AGAP1: variants seen among roughly 807,000 people sequenced by gnomAD.
AGAP1 encodes the protein arf-GAP with GTPase, ANK repeat and PH domain-containing protein 1.
Under a neutral mutation model 105.3 loss-of-function variants are expected in AGAP1, and 29 were observed. That is an observed-to-expected ratio of 0.28 (90% CI 0.21 to 0.38). The LOEUF is 0.38. Ranked by LOEUF, AGAP1 falls within the 10% of genes least tolerant of loss-of-function variation. The pLI is 1.00. For missense variants in AGAP1, 998 were observed against 1,165.1 expected (o/e 0.86, Z 2.09); for synonymous variants, 509 against 485.9 (o/e 1.05, Z -0.63).
At position 235,965,165 on chromosome 2, in the gene AGAP1, C is replaced by A. The variant is rs575434795; in HGVS notation, c.1484-3297C>A. 2.6e-5 allele frequency among the ~76,000 whole-genome samples: 4 copies of A among 152,124 alleles called. No individual in the cohort carries two copies. Among genetic ancestry groups the A allele is most frequent in the Non-Finnish European group, 5.9e-5 (4 of 68,026 alleles). ...AAGTGGCAGTTTCAAGGGTGAAGCC[C>A]AAGGTGATAGCAGAGAAAGCTGCCC... is the stretch of plus-strand genomic sequence containing the variant. On this transcript the variant is annotated intron_variant, in intron 12 of 17. Coordinates refer to ENST00000304032, the MANE Select transcript of AGAP1 (RefSeq NM_001037131.3). The surrounding 1 kb of genome is among the most constrained non-coding windows in gnomAD (Gnocchi z 5.8).
rs539246728 is a variant in AGAP1 at position 235,969,692 on chromosome 2, G to A, written c.1645+1069G>A. On this transcript the variant is annotated intron_variant, in intron 13 of 17. Coordinates refer to ENST00000304032, the MANE Select transcript of AGAP1 (RefSeq NM_001037131.3). ...AGCGGAGCACGCAAACCCACGGTGC[G>A]TGTGTTAGCAGGGAAGGGGCAGAGT... is the stretch of plus-strand genomic sequence containing the variant. 2.4e-4 allele frequency among the ~76,000 whole-genome samples: 37 copies of A among 152,334 alleles called. No individual in the cohort carries two copies. In the East Asian group the frequency reaches 2.7e-3, roughly 11 times the overall value.
intron 4 of AGAP1, among the ~76,000 whole-genome samples, chr2:235,743,984 T>C (rs1322897509): frequency 6.6e-6 from 1 of 152,220 alleles, no homozygotes; most frequent in Admixed American, 6.5e-5. Flanking sequence ...AGTGTGGGTA[T>C]CTGTCAAAAG....
rs1014606201 is a variant in AGAP1 at position 236,035,488 on chromosome 2, G to A, written c.1646-1073G>A. Among the ~76,000 whole-genome samples, 4 of 152,156 alleles carry A rather than the reference G, an allele frequency of 2.6e-5. No homozygotes were observed. Among genetic ancestry groups the A allele is most frequent in the Non-Finnish European group, 5.9e-5 (4 of 68,038 alleles). On this transcript the variant is annotated intron_variant, in intron 13 of 17. Transcript: ENST00000304032. The surrounding 1 kb of genome is among the most constrained non-coding windows in gnomAD (Gnocchi z 4.2). ...AAAAATGTCTAACAATTGGCCAGGT[G>A]TGATGGTACACACCTGTAGTCCGAG... is the stretch of plus-strand genomic sequence containing the variant.
At chr2:235,852,906 C>G (rs1017078319) in intron 9 of AGAP1, 2 of 1,324,096 alleles carry the variant, frequency 1.5e-6, no homozygotes. Flanking sequence ...GCTTGCAGGC[C>G]GCTGCTGTTT....
intron 1 of AGAP1, among the ~76,000 whole-genome samples, chr2:235,508,848 G>A (rs1228318453): frequency 6.6e-6 from 1 of 152,254 alleles, no homozygotes; most frequent in Non-Finnish European, 1.5e-5. Context: ...AAAAGAGGGA[G>A]AAAGGGATGC....
chr2:235,645,395 C>T (rs1457380630), intron 1 of AGAP1, among the ~76,000 whole-genome samples: 6 of 152,138 alleles, frequency 3.9e-5, no homozygotes, highest in African/African-American at 7.2e-5. Flanking sequence ...GTGAGGTCTC[C>T]GGCTTTGTAT....
rs886715315 is a variant in AGAP1 at position 235,655,043 on chromosome 2, TATTA to T, written c.164-54131_164-54128del. ...ACAAAGCTCTTTCATGAATAAAGAA[TATTA>T]ATTACTATATCCAGAATGATCCTCT... is the stretch of plus-strand genomic sequence containing the variant. On this transcript the variant is annotated intron_variant, in intron 1 of 17. Transcript: ENST00000304032. The surrounding 1 kb of genome is among the most constrained non-coding windows in gnomAD (Gnocchi z 4.3). 6.6e-6 allele frequency among the ~76,000 whole-genome samples: 1 copy of T among 151,864 alleles called. No individual in the cohort carries two copies. The highest frequency in any genetic ancestry group is 2.4e-5 in the African/African-American group (1 of 41,386).
Position 235,977,229 on chromosome 2 carries a change from A to G in AGAP1, c.1645+8606A>G, listed in dbSNP as rs570718436. On this transcript the variant is annotated intron_variant, in intron 13 of 17. Coordinates refer to ENST00000304032, the MANE Select transcript of AGAP1 (RefSeq NM_001037131.3). The surrounding 1 kb of genome is among the most constrained non-coding windows in gnomAD (Gnocchi z 5.2). ...GGAGACCCTGCATTGGTCGACTTTC[A>G]TTAGAATCTAGGATCTGTCTTGAAG... Among the ~76,000 whole-genome samples the G allele has an allele frequency of 2.6e-5, 4 of 151,998 alleles. No individual in the cohort carries two copies. Among genetic ancestry groups the G allele is most frequent in the South Asian group, 4.2e-4 (2 of 4,790 alleles).
rs140913142 is a variant in AGAP1, at chr2:235,877,002, C to T, written c.1051-6343C>T. On this transcript the variant is annotated intron_variant, in intron 9 of 17. Coordinates refer to ENST00000304032, the MANE Select transcript of AGAP1 (RefSeq NM_001037131.3). The surrounding 1 kb of genome is among the most constrained non-coding windows in gnomAD (Gnocchi z 4.3). The stretch of plus-strand genomic sequence containing the variant: ...AGCTGGGATTACAGGCATGCACCAC[C>T]ATGCTCGGCTAATTTTTGTATTTTT... Among the ~76,000 whole-genome samples, 284 of 152,212 alleles carry T rather than the reference C, an allele frequency of 1.9e-3. 1 individual carries two copies. Among genetic ancestry groups the T allele is most frequent in the African/African-American group, 6.6e-3 (276 of 41,544 alleles).
rs1046631630 is a variant in AGAP1, at chr2:235,692,579, C to T, written c.164-16600C>T. Among the ~76,000 whole-genome samples, 1 of 151,998 alleles carries T rather than the reference C, an allele frequency of 6.6e-6. No individual in the cohort carries two copies. The highest frequency in any genetic ancestry group is 2.4e-5 in the African/African-American group (1 of 41,302). On this transcript the variant is annotated intron_variant, in intron 1 of 17. Transcript: ENST00000304032. This position sits in a 1 kb window ranked among gnomAD's most constrained non-coding sequence, Gnocchi z 5.8. ...ATGCTCTCCCCCCTTGCCCTCCCCC[C>T]TTGCCTTCCTGGGCCATCCTTTTCT...
intron 16 of AGAP1, among the ~76,000 whole-genome samples, chr2:236,107,438 G>T (rs1460889276): frequency 6.6e-6 from 1 of 152,142 alleles, no homozygotes; most frequent in African/African-American, 2.4e-5. Context: ...GCGCTTTCAT[G>T]ATTCCTCAGA....
intron 9 of AGAP1, among the ~76,000 whole-genome samples, chr2:235,835,402 C>T (rs950477080): frequency 2.0e-5 from 3 of 152,192 alleles, no homozygotes; most frequent in Non-Finnish European, 2.9e-5. Context: ...CAGAGAGGCT[C>T]CTCAGCTTGG....
Position 236,080,668 on chromosome 2 carries a change from C to T in AGAP1, c.2114+31387C>T, listed in dbSNP as rs1275052320. ...ACCCACTTAGTGGTTTAAAGTAACACGGAAGTATTCCATTACAGTTCTGGA... is the reference window on the plus strand; with the variant it reads ...ACCCACTTAGTGGTTTAAAGTAACATGGAAGTATTCCATTACAGTTCTGGA... On this transcript the variant is annotated intron_variant, in intron 16 of 17. Transcript: ENST00000304032. The surrounding 1 kb of genome is among the most constrained non-coding windows in gnomAD (Gnocchi z 4.2). Among the ~76,000 whole-genome samples the T allele has an allele frequency of 1.3e-5, 2 of 152,222 alleles. No homozygotes were observed. The highest frequency in any genetic ancestry group is 2.4e-5 in the African/African-American group (1 of 41,464).
At position 236,126,250 on chromosome 2, in the gene AGAP1, G is replaced by A. The variant is rs1239103979; in HGVS notation, c.*2128G>A. On this transcript the variant is annotated 3_prime_UTR_variant, in exon 18 of 18. Transcript: ENST00000304032. ...TTTTCAGTCTGCGTTTCATCACTGT[G>A]TAGCTATTGTAAATGTGAATAGAAA... The A allele has an allele frequency of 6.6e-6, 1 of 152,148 alleles. No homozygotes were observed. Among genetic ancestry groups the A allele is most frequent in the Admixed American group, 6.6e-5 (1 of 15,266 alleles). The allele number at this position is 152,148 out of a possible 1,614,324, so 9.4% of individuals were successfully genotyped here. A position where few individuals can be genotyped will look rare whatever the true frequency, so the allele number is the denominator to read the frequency against.
Position 236,056,096 on chromosome 2 carries a change from C to G in AGAP1, c.2114+6815C>G, listed in dbSNP as rs955935657. ...AGCTTGGTGGGAATCCAGGCAAGCT[C>G]TCCATAAAGACTGGCTCTAATTATA... is the stretch of plus-strand genomic sequence containing the variant. On this transcript the variant is annotated intron_variant, in intron 16 of 17. Transcript: ENST00000304032. The surrounding 1 kb of genome is among the most constrained non-coding windows in gnomAD (Gnocchi z 4.6). Among the ~76,000 whole-genome samples, 4 of 152,166 alleles carry G rather than the reference C, an allele frequency of 2.6e-5. No individual in the cohort carries two copies. Among genetic ancestry groups the G allele is most frequent in the Admixed American group, 2.0e-4 (3 of 15,272 alleles).
rs1947741430 is a variant in AGAP1, at chr2:235,655,436, C to T, written c.164-53743C>T. ...TGCCCAGGGATCTCCTTAAGTGTTGCAGAATCACACCTGGACAACCCAGGT... is the reference window on the plus strand; with the variant it reads ...TGCCCAGGGATCTCCTTAAGTGTTGTAGAATCACACCTGGACAACCCAGGT... On this transcript the variant is annotated intron_variant, in intron 1 of 17. Transcript: ENST00000304032. This position sits in a 1 kb window ranked among gnomAD's most constrained non-coding sequence, Gnocchi z 4.3. Among the ~76,000 whole-genome samples, 1 of 152,202 alleles carries T rather than the reference C, an allele frequency of 6.6e-6. No homozygotes were observed. The highest frequency in any genetic ancestry group is 2.4e-5 in the African/African-American group (1 of 41,452).
Position 236,053,046 on chromosome 2 carries a change from C to T in AGAP1, c.2114+3765C>T, listed in dbSNP as rs898596250. On this transcript the variant is annotated intron_variant, in intron 16 of 17. Coordinates refer to ENST00000304032, the MANE Select transcript of AGAP1 (RefSeq NM_001037131.3). The surrounding 1 kb of genome is among the most constrained non-coding windows in gnomAD (Gnocchi z 4.6). ...AGGACTTCGTAACACCCGGCTTGTG[C>T]GTGTGTGCGGTACCATAACGTAGCG... Among the ~76,000 whole-genome samples, 5 of 152,132 alleles carry T rather than the reference C, an allele frequency of 3.3e-5. No individual in the cohort carries two copies. The highest frequency in any genetic ancestry group is 6.5e-5 in the Admixed American group (1 of 15,282).
chr2:235,652,494 T>G (rs1228668111), intron 1 of AGAP1, among the ~76,000 whole-genome samples: 1 of 152,166 alleles, frequency 6.6e-6, no homozygotes, highest in African/African-American at 2.4e-5. Context: ...TCTATCTGTC[T>G]GGGGGTGGAG....
chr2:236,001,379 C>T lies in AGAP1; in HGVS notation c.1645+32756C>T, dbSNP rs1261177249. Among the ~76,000 whole-genome samples the T allele has an allele frequency of 6.6e-6, 1 of 152,214 alleles. No homozygotes were observed. Among genetic ancestry groups the T allele is most frequent in the East Asian group, 1.9e-4 (1 of 5,190 alleles). On this transcript the variant is annotated intron_variant, in intron 13 of 17. Coordinates refer to ENST00000304032, the MANE Select transcript of AGAP1 (RefSeq NM_001037131.3). The surrounding 1 kb of genome is among the most constrained non-coding windows in gnomAD (Gnocchi z 4.7). ...AGGCCGCTAGTGCCCCCCACCCAGT[C>T]TCTGTGTCCTCTGCACAGTAGGGAG... is the stretch of plus-strand genomic sequence containing the variant.
Sources: allele counts gnomAD v4.1 joint callset (sites outside exome capture counted in the v4.1 genomes callset), GRCh38; gene constraint gnomAD v4.1.1; non-coding constraint Gnocchi (gnomAD v3.1); transcripts MANE v1.5; gene names NCBI Gene and HGNC (gene_info 2026-07-23, HGNC 2026-07-21).